Variants in TRPC7 observed in about 807,000 individuals in gnomAD.
TRPC7 encodes short transient receptor potential channel 7.
A neutral mutation model predicts 90.1 loss-of-function variants in TRPC7; 42 were observed. The ratio of observed to expected loss-of-function variants is 0.47; its 90% CI spans 0.36 to 0.60. The LOEUF (loss-of-function observed/expected upper bound fraction) is 0.60. TRPC7 is among the 20% of genes least tolerant of loss of function. TRPC7 has a pLI of 0.00. For synonymous variants in TRPC7, 451 were observed against 436.3 expected, an observed-to-expected ratio of 1.03 and a Z score of -0.42; for missense variants, 955 against 1,112.3, an observed-to-expected ratio of 0.86 and a Z score of 2.01.
intron 6 of TRPC7, among the ~76,000 whole-genome samples, chr5:136,249,722 C>T (rs1034593205): frequency 8.5e-5 from 13 of 152,194 alleles, no homozygotes; most frequent in Non-Finnish European, 1.2e-4. Context: ...ATGAACAGCA[C>T]TGTGATGATT....
chr5:136,266,594 T>C (rs531812316), intron 4 of TRPC7, among the ~76,000 whole-genome samples, 158 bp from the exon 5 acceptor site: 31 of 152,312 alleles, frequency 2.0e-4, no homozygotes, highest in African/African-American at 7.0e-4. Context: ...TGAACTATTA[T>C]GTGAGATGCT....
intron 3 of TRPC7, 109 bp from the exon 4 acceptor site, chr5:136,274,946 T>TG (rs530021065): frequency 6.9e-5 from 89 of 1,290,188 alleles, no homozygotes; most frequent in Non-Finnish European, 9.0e-5. Flanking sequence ...ATGCTCCACC[T>TG]GGGGGGTGGT....
chr5:136,231,635 C>CAAGATA, intron 7 of TRPC7, 86 bp from the exon 8 acceptor site: 1 of 1,297,822 alleles, frequency 7.7e-7, no homozygotes, highest in Non-Finnish European at 1.0e-6. Flanking sequence ...GACAGGGTCT[C>CAAGATA]ACTCTGTTGC....
chr5:136,309,532 C>T (rs974459235), intron 3 of TRPC7, among the ~76,000 whole-genome samples: 11 of 152,124 alleles, frequency 7.2e-5, no homozygotes, highest in East Asian at 1.9e-4. Context: ...CAAATAGCGC[C>T]GGGATTATGC....
rs1561723986 is a variant in TRPC7 at position 136,336,175 on chromosome 5, ACGTT to A, written c.781-20400_781-20397del. On this transcript the variant is annotated intron_variant, in intron 2 of 11. Transcript: ENST00000513104. ...TGTCTCTTCTGAGAAGCTTTCTCTC[ACGTT>A]GCAGGCAGTTCATTGCTGTCTCCTC... 3.9e-5 allele frequency among the ~76,000 whole-genome samples: 6 copies of A among 152,114 alleles called. No homozygotes were observed. The East Asian group carries it at 1.2e-3, about 29-fold the overall frequency.
intron 3 of TRPC7, among the ~76,000 whole-genome samples, chr5:136,287,746 C>G (rs767430125): frequency 8.8e-6 from 1 of 113,788 alleles, no homozygotes; most frequent in Non-Finnish European, 1.8e-5. Context: ...AAAAAAAAAC[C>G]TCTGTTGAAT....
At chr5:136,222,931 C>G (rs1053656273) in intron 10 of TRPC7, among the ~76,000 whole-genome samples, 3 of 152,190 alleles carry the variant, frequency 2.0e-5, no homozygotes, top group African/African-American at 7.2e-5. Context: ...TAGTGTCCAG[C>G]CTGCATCCAG....
At chr5:136,260,193 G>A (rs913255396) in intron 5 of TRPC7, among the ~76,000 whole-genome samples, 1 of 152,166 alleles carries the variant, frequency 6.6e-6, no homozygotes, top group Non-Finnish European at 1.5e-5. Context: ...TGGAGAGAGG[G>A]CTACAGTTAA....
intron 2 of TRPC7, among the ~76,000 whole-genome samples, chr5:136,339,852 C>A (rs79106730): frequency 2.0e-5 from 3 of 151,736 alleles, no homozygotes; most frequent in Non-Finnish European, 4.4e-5. Context: ...ACAACAACAA[C>A]AACAACAACA....
chr5:136,271,322 G>A (rs1465329344), intron 4 of TRPC7, among the ~76,000 whole-genome samples: 1 of 152,162 alleles, frequency 6.6e-6, no homozygotes, highest in Non-Finnish European at 1.5e-5. Flanking sequence ...TAATAGACAA[G>A]GTCAGCTTCT....
chr5:136,233,642 A>AGGATTATACACTTGTCAT (rs1454940890), intron 7 of TRPC7, among the ~76,000 whole-genome samples: 1 of 152,216 alleles, frequency 6.6e-6, no homozygotes, highest in Non-Finnish European at 1.5e-5. Context: ...GGGCTGATCT[A>AGGATTATACACTTGTCAT]GGATTATACA....
At chr5:136,331,330 A>C (rs2149846506) in intron 2 of TRPC7, among the ~76,000 whole-genome samples, 1 of 152,256 alleles carries the variant, frequency 6.6e-6, no homozygotes, top group Middle Eastern at 3.4e-3. Context: ...TCATTTACTC[A>C]TTTAATCAAC....
At chr5:136,315,482 G>A in intron 3 of TRPC7, 115 bp downstream of exon 3, 1 of 1,105,056 alleles carries the variant, frequency 9.0e-7, no homozygotes, top group Non-Finnish European at 1.3e-6. Flanking sequence ...AAGAGAATCT[G>A]GGTGTCATCA....
intron 2 of TRPC7, among the ~76,000 whole-genome samples, chr5:136,328,794 G>T (rs1393809548): frequency 2.0e-5 from 3 of 152,226 alleles, no homozygotes; most frequent in African/African-American, 7.2e-5. Context: ...TTGTCTATTT[G>T]GGGGTTGATC....
chr5:136,303,234 C>T (rs1758468569), intron 3 of TRPC7, among the ~76,000 whole-genome samples: 1 of 152,168 alleles, frequency 6.6e-6, no homozygotes, highest in African/African-American at 2.4e-5. Flanking sequence ...CAGTTCATGG[C>T]TCATTTGGCA....
At chr5:136,313,411 C>CTATCTATG (rs1159697256) in intron 3 of TRPC7, among the ~76,000 whole-genome samples, 4 of 152,074 alleles carry the variant, frequency 2.6e-5, no homozygotes, top group Non-Finnish European at 5.9e-5. Flanking sequence ...ATCTATCTAT[C>CTATCTATG]TATCTATCTG....
intron 2 of TRPC7, among the ~76,000 whole-genome samples, chr5:136,331,570 T>C (rs1759502001): frequency 6.6e-6 from 1 of 152,170 alleles, no homozygotes; most frequent in South Asian, 2.1e-4. Flanking sequence ...AAACATTTCT[T>C]TCCAAATAAA....
chr5:136,230,473 T>C (rs1392474463), intron 8 of TRPC7, among the ~76,000 whole-genome samples: 2 of 152,192 alleles, frequency 1.3e-5, no homozygotes, highest in African/African-American at 4.8e-5. Context: ...GCCCACTATA[T>C]ACATTGTTCT....
chr5:136,304,086 A>G (rs1242979455), intron 3 of TRPC7, among the ~76,000 whole-genome samples: 1 of 151,826 alleles, frequency 6.6e-6, no homozygotes, highest in African/African-American at 2.4e-5. Context: ...AGACACTTTA[A>G]CTAAATTATC....
Sources: gnomAD v4.1 joint callset for allele counts (sites outside exome capture counted in the v4.1 genomes callset) on GRCh38, gnomAD v4.1.1 for gene constraint, MANE v1.5 for transcripts, NCBI Gene and HGNC (gene_info 2026-07-23, HGNC 2026-07-21) for gene names.